Variants in TRDN observed in about 807,000 individuals in gnomAD.
The protein encoded by TRDN is triadin in skeletal muscle.
In TRDN, 161 loss-of-function variants were observed where a neutral mutation model predicts 149.7. The ratio of observed to expected loss-of-function variants is 1.08; its 90% confidence interval spans 0.95 to 1.23. TRDN has a LOEUF of 1.23. Ranked by LOEUF, TRDN falls within the 50% of genes most tolerant of loss-of-function variation. The probability of loss-of-function intolerance (pLI) is 0.00; values close to 1 mark genes in which losing one functional copy is unlikely to be tolerated. For synonymous variants in TRDN, 294 were observed against 250.5 expected (o/e 1.17, Z -1.64); for missense variants, 896 against 823.5 (o/e 1.09, Z -1.08).
intron 21 of TRDN, among the ~76,000 whole-genome samples, chr6:123,340,598 A>G (rs1780029791): frequency 6.6e-6 from 1 of 152,090 alleles, no homozygotes; most frequent in African/African-American, 2.4e-5. Flanking sequence ...AGCTTGCTCT[A>G]CTGAAGTGCT....
chr6:123,352,376 G>T (rs746049143), intron 21 of TRDN, 163 bp downstream of exon 21: 37 of 1,368,434 alleles, frequency 2.7e-5, no homozygotes, highest in Non-Finnish European at 3.4e-5. Context: ...AACCCAGATT[G>T]CTGTCTCACA....
rs1415276029 is a variant in TRDN, at chr6:123,259,555, T to G, written c.1870+69A>C. The G allele has an allele frequency of 2.1e-5, 21 of 1,010,824 alleles. No homozygotes were observed. The East Asian group carries it at 5.7e-4, about 27-fold the overall frequency. 62.6% of individuals were successfully genotyped at this position (1,010,824 alleles called of 1,614,324 possible). On this transcript the variant is annotated intron_variant, in intron 35 of 40. Coordinates refer to ENST00000334268, the MANE Select transcript of TRDN (RefSeq NM_006073.4). Reference sequence around the variant, plus strand: ...CTGTTTTTAAATCATATAATTTGTATAAATTTGTTTTTTGTTCCTCTGTTT... The same window carrying G: ...CTGTTTTTAAATCATATAATTTGTAGAAATTTGTTTTTTGTTCCTCTGTTT...
At chr6:123,629,330 T>C (rs1390575940) in intron 1 of TRDN, among the ~76,000 whole-genome samples, 8 of 152,162 alleles carry the variant, frequency 5.3e-5, no homozygotes, top group African/African-American at 1.9e-4. Context: ...CTAGACCATA[T>C]TAAAACTAAG....
At chr6:123,367,228 C>A (rs979737357) in intron 19 of TRDN, among the ~76,000 whole-genome samples, 1 of 151,928 alleles carries the variant, frequency 6.6e-6, no homozygotes, top group Non-Finnish European at 1.5e-5. Flanking sequence ...TAATAATAAG[C>A]TCGTGAATTT....
intron 1 of TRDN, among the ~76,000 whole-genome samples, chr6:123,574,992 C>A (rs1782777390): frequency 1.3e-5 from 2 of 150,496 alleles, no homozygotes; most frequent in African/African-American, 2.4e-5. Flanking sequence ...TTCTAAACAA[C>A]TGACATAATA....
intron 5 of TRDN, among the ~76,000 whole-genome samples, chr6:123,517,803 C>T (rs1779484794): frequency 6.6e-6 from 1 of 152,076 alleles, no homozygotes; most frequent in Non-Finnish European, 1.5e-5. Context: ...TTCTCTGTAA[C>T]ATTTTCTTTG....
chr6:123,636,814 G>A lies in TRDN; in HGVS notation c.-39C>T, dbSNP rs772263581. On this transcript the variant is annotated 5_prime_UTR_variant, in exon 1 of 41. In the 5' UTR this introduces an upstream ATG that the reference lacks. Coordinates refer to ENST00000334268, the MANE Select transcript of TRDN (RefSeq NM_006073.4). ...AGTAAAAGTCAGTTGAAAAGTTCCC[G>A]TCAAGTTGCACTTTGCAGAGTATTT... The A allele has an allele frequency of 1.2e-5, 19 of 1,610,844 alleles. No individual in the cohort carries two copies. Among genetic ancestry groups the A allele is most frequent in the Middle Eastern group, 1.7e-4 (1 of 6,032 alleles).
At position 123,533,878 on chromosome 6, in the gene TRDN, A is replaced by C. The variant is rs1422927644; in HGVS notation, c.425-3313T>G. On this transcript the variant is annotated intron_variant, in intron 4 of 40. Transcript: ENST00000334268. Reference sequence around the variant, plus strand: ...TTTTACTTAAGCAAAAATAAAAATAAATAAAGGAAAATTAGACTAAAAAAT... The same window carrying C: ...TTTTACTTAAGCAAAAATAAAAATACATAAAGGAAAATTAGACTAAAAAAT... 2.0e-5 allele frequency among the ~76,000 whole-genome samples: 3 copies of C among 152,150 alleles called. No homozygotes were observed. In the East Asian group the frequency reaches 5.8e-4, roughly 29 times the overall value.
chr6:123,260,643 A>AC lies in TRDN; in HGVS notation c.1805-6_1805-5insG. On this transcript the variant is annotated splice_polypyrimidine_tract_variant and splice_region_variant and intron_variant, in intron 33 of 40. Coordinates refer to ENST00000334268, the MANE Select transcript of TRDN (RefSeq NM_006073.4). The stretch of plus-strand genomic sequence containing the variant: ...CTGTGACTTCTGATGTTCCTTCTTT[A>AC]GAAAAAAAAAAAAAAAGAATGTAGA... The AC allele has an allele frequency of 1.3e-4, 154 of 1,228,276 alleles. No individual in the cohort carries two copies. Among genetic ancestry groups the AC allele is most frequent in the Non-Finnish European group, 1.3e-4 (128 of 950,082 alleles). 76.1% of individuals were successfully genotyped at this position (1,228,276 alleles called of 1,614,324 possible).
chr6:123,452,977 A>G (rs1583054841), intron 10 of TRDN, among the ~76,000 whole-genome samples: 1 of 147,942 alleles, frequency 6.8e-6, no homozygotes, highest in East Asian at 1.9e-4. Context: ...TCTTCGAAAA[A>G]GCAAACAAAA....
At chr6:123,576,974 A>G (rs1782888560) in intron 1 of TRDN, among the ~76,000 whole-genome samples, 1 of 152,070 alleles carries the variant, frequency 6.6e-6, no homozygotes, top group Non-Finnish European at 1.5e-5. Context: ...AATAAAATAA[A>G]AAAAAAAGAA....
chr6:123,292,156 G>A (rs1778032420), intron 24 of TRDN, among the ~76,000 whole-genome samples: 2 of 152,276 alleles, frequency 1.3e-5, no homozygotes, highest in African/African-American at 4.8e-5. Flanking sequence ...TGGTGTGCTA[G>A]AGGCAGCATC....
chr6:123,351,025 G>A (rs1780443025), intron 21 of TRDN: 1 of 969,728 alleles, frequency 1.0e-6, no homozygotes, highest in Non-Finnish European at 1.2e-6. Context: ...TGTCTGTTTG[G>A]TACTATTATT....
intron 1 of TRDN, among the ~76,000 whole-genome samples, chr6:123,578,056 CA>C (rs34998885): frequency 0.42 from 63,900 of 151,944 alleles, 13,576 homozygotes; most frequent in East Asian, 0.57. Context: ...ACATAGTTTG[CA>C]AAAATTTTCT....
chr6:123,249,338 T>G (rs976500114), intron 38 of TRDN, among the ~76,000 whole-genome samples: 1 of 152,176 alleles, frequency 6.6e-6, no homozygotes, highest in Non-Finnish European at 1.5e-5. Flanking sequence ...GGTTGGAATG[T>G]AAATTGGTTC....
intron 12 of TRDN, among the ~76,000 whole-genome samples, chr6:123,400,809 TC>T (rs1189210006): frequency 6.6e-6 from 1 of 152,212 alleles, no homozygotes; most frequent in African/African-American, 2.4e-5. Flanking sequence ...ATTCTGTTTT[TC>T]CTTTCCTAGA....
chr6:123,587,453 G>A (rs1783554125), intron 1 of TRDN, among the ~76,000 whole-genome samples: 1 of 152,162 alleles, frequency 6.6e-6, no homozygotes, highest in Non-Finnish European at 1.5e-5. Context: ...AGAAGAGTCT[G>A]CTTACCCGAT....
intron 21 of TRDN, chr6:123,350,745 A>G (rs1780432569): frequency 2.2e-6 from 2 of 915,934 alleles, no homozygotes; most frequent in East Asian, 2.4e-4. Flanking sequence ...GGCCATTGTC[A>G]TACAATATTT....
chr6:123,584,669 T>C (rs941468137), intron 1 of TRDN, among the ~76,000 whole-genome samples: 2 of 152,188 alleles, frequency 1.3e-5, no homozygotes, highest in African/African-American at 4.8e-5. Flanking sequence ...CTTGCGGCAG[T>C]ACAGCCTAGG....
Sources: gnomAD v4.1 joint callset for allele counts (sites outside exome capture counted in the v4.1 genomes callset) on GRCh38, gnomAD v4.1.1 for gene constraint, MANE v1.5 for transcripts, NCBI Gene and HGNC (gene_info 2026-07-23, HGNC 2026-07-21) for gene names.